FSTL5: variants seen among roughly 807,000 people sequenced by gnomAD.
FSTL5 encodes follistatin-related protein 5.
In FSTL5, 62 loss-of-function variants were observed where a neutral mutation model predicts 89.1. The observed-to-expected ratio is 0.70, with a 90% confidence interval of 0.57 to 0.86. The LOEUF is 0.86. Among genes scored for constraint, FSTL5 ranks in the 40% least tolerant of loss-of-function variants. The pLI, the probability that FSTL5 is intolerant of heterozygous loss-of-function variation, is 0.00. For missense variants in FSTL5, 1,057 were observed against 1,001.6 expected (o/e 1.06, Z -0.75); for synonymous variants, 383 against 346.2 (o/e 1.11, Z -1.18).
intron 4 of FSTL5, among the ~76,000 whole-genome samples, chr4:161,879,744 C>G (rs1013338312): frequency 6.6e-6 from 1 of 152,196 alleles, no homozygotes; most frequent in Non-Finnish European, 1.5e-5. Flanking sequence ...CCAGTGTCAT[C>G]TTATGTGAAG....
At chr4:161,920,366 T>C (rs1279694089) in intron 4 of FSTL5, 38 bp downstream of exon 4, 2 of 1,590,084 alleles carry the variant, frequency 1.3e-6, no homozygotes, top group East Asian at 2.2e-5. Context: ...AGAAAAGAAA[T>C]AGAGTGGGGT....
intron 4 of FSTL5, among the ~76,000 whole-genome samples, chr4:161,870,627 T>G (rs1426097520): frequency 6.6e-6 from 1 of 152,164 alleles, no homozygotes; most frequent in African/African-American, 2.4e-5. Flanking sequence ...ACTCAATAAA[T>G]TCTTAATGAA....
intron 15 of FSTL5, among the ~76,000 whole-genome samples, chr4:161,419,224 CAT>C (rs1168062973): frequency 6.6e-6 from 1 of 152,136 alleles, no homozygotes; most frequent in Non-Finnish European, 1.5e-5. Flanking sequence ...CATATTTTTT[CAT>C]AGTTTATGTC....
chr4:161,837,783 T>G (rs1406124995), intron 4 of FSTL5, among the ~76,000 whole-genome samples: 2 of 152,202 alleles, frequency 1.3e-5, no homozygotes, highest in East Asian at 3.9e-4. Context: ...AAAATAAAAT[T>G]TATGGCCTAT....
At chr4:161,615,621 AC>A (rs1458918220) in intron 7 of FSTL5, among the ~76,000 whole-genome samples, 2 of 152,166 alleles carry the variant, frequency 1.3e-5, no homozygotes, top group Non-Finnish European at 2.9e-5. Context: ...AAAAATTATA[AC>A]TTTTTTCTCC....
intron 6 of FSTL5, among the ~76,000 whole-genome samples, chr4:161,716,858 T>C (rs1276458318): frequency 2.6e-5 from 4 of 152,060 alleles, no homozygotes; most frequent in African/African-American, 9.7e-5. Context: ...ATTGCTGAAG[T>C]CTAGAAAGGA....
At chr4:161,443,452 A>T (rs1732843260) in intron 15 of FSTL5, among the ~76,000 whole-genome samples, 1 of 152,036 alleles carries the variant, frequency 6.6e-6, no homozygotes, top group African/African-American at 2.4e-5. Context: ...CCAAAGTATG[A>T]GTTTAAGAAA....
In FSTL5 at chr4:161,673,167, T is replaced by A. The variant is rs142105987; in HGVS notation, c.728-16673A>T. Among the ~76,000 whole-genome samples, 920 of 152,168 alleles carry A rather than the reference T, an allele frequency of 6.0e-3. 9 individuals are homozygous for A. Among genetic ancestry groups the A allele is most frequent in the South Asian group, 0.046 (220 of 4,824 alleles). On this transcript the variant is annotated intron_variant, in intron 6 of 15. Coordinates refer to ENST00000306100, the MANE Select transcript of FSTL5 (RefSeq NM_020116.5). ...AATGTACTGGATTTAAATTACAGGG[T>A]TTGAAAATATATTTATATAAATTAT...
chr4:161,762,601 A>C, intron 5 of FSTL5, among the ~76,000 whole-genome samples: 1 of 152,090 alleles, frequency 6.6e-6, no homozygotes, highest in East Asian at 1.9e-4. Flanking sequence ...TTTACCTCTT[A>C]TAAAATGATA....
At chr4:162,000,978 T>G (rs1736446925) in intron 3 of FSTL5, among the ~76,000 whole-genome samples, 1 of 152,182 alleles carries the variant, frequency 6.6e-6, no homozygotes, top group South Asian at 2.1e-4. Context: ...AAGTAGCATC[T>G]AATTATGTAT....
At chr4:161,658,853 G>A (rs569065409) in intron 6 of FSTL5, among the ~76,000 whole-genome samples, 2 of 152,120 alleles carry the variant, frequency 1.3e-5, no homozygotes, top group Admixed American at 1.3e-4. Context: ...GGAGATAATG[G>A]GACATCTGGT....
At chr4:161,765,123 A>G (rs1406367143) in intron 5 of FSTL5, among the ~76,000 whole-genome samples, 1 of 152,236 alleles carries the variant, frequency 6.6e-6, no homozygotes, top group Non-Finnish European at 1.5e-5. Context: ...ATGTCATTCT[A>G]AGTCAAACAC....
At chr4:161,855,793 C>T (rs774704418) in intron 4 of FSTL5, among the ~76,000 whole-genome samples, 10 of 151,972 alleles carry the variant, frequency 6.6e-5, no homozygotes, top group East Asian at 3.9e-4. Flanking sequence ...AAATACCACA[C>T]GTCAAAATTA....
At chr4:161,953,504 T>C (rs1172550535) in intron 3 of FSTL5, among the ~76,000 whole-genome samples, 2 of 151,686 alleles carry the variant, frequency 1.3e-5, no homozygotes, top group Admixed American at 6.6e-5. Flanking sequence ...ATAATAGAGA[T>C]TGCTACTTTA....
intron 4 of FSTL5, among the ~76,000 whole-genome samples, chr4:161,893,334 G>A (rs920520876): frequency 6.6e-6 from 1 of 152,052 alleles, no homozygotes; most frequent in Non-Finnish European, 1.5e-5. Context: ...GACAGATAAT[G>A]GAACTTCAAA....
At chr4:162,009,187 C>T (rs1736692838) in intron 3 of FSTL5, among the ~76,000 whole-genome samples, 1 of 151,986 alleles carries the variant, frequency 6.6e-6, no homozygotes, top group South Asian at 2.1e-4. Context: ...TGGCATGCAG[C>T]CTTGTTAATC....
At chr4:162,066,305 C>CTTCTTCTTCT (rs1561000327) in intron 2 of FSTL5, among the ~76,000 whole-genome samples, 1 of 39,054 alleles carries the variant, frequency 2.6e-5, no homozygotes, top group Non-Finnish European at 5.0e-5. Flanking sequence ...TACTTTTCTT[C>CTTCTTCTTCT]TTCTTCTTCT....
chr4:161,451,442 G>C (rs1333393780), intron 15 of FSTL5, among the ~76,000 whole-genome samples: 1 of 152,172 alleles, frequency 6.6e-6, no homozygotes, highest in Admixed American at 6.5e-5. Context: ...GAGGAAGCCA[G>C]GCAGGGAAAA....
chr4:162,117,824 C>T (rs959580905), intron 1 of FSTL5, among the ~76,000 whole-genome samples: 4 of 151,822 alleles, frequency 2.6e-5, no homozygotes, highest in Admixed American at 2.0e-4. Context: ...CCAGTATAAT[C>T]TCAATAAATA....
Sources: gnomAD v4.1 joint callset for allele counts (sites outside exome capture counted in the v4.1 genomes callset) on GRCh38, gnomAD v4.1.1 for gene constraint, MANE v1.5 for transcripts, NCBI Gene and HGNC (gene_info 2026-07-23, HGNC 2026-07-21) for gene names.